The following KCNT2 variants were observed in gnomAD, a reference collection of about 807,000 sequenced individuals.
The protein encoded by KCNT2 is potassium sodium-activated channel subfamily T member 2, also known as potassium channel subfamily T member 2.
KCNT2 carries 67 observed loss-of-function variants against 153.8 expected under a neutral mutation model. The ratio of observed to expected loss-of-function variants is 0.44; its 90% CI spans 0.36 to 0.53. The LOEUF (loss-of-function observed/expected upper bound fraction) is 0.53. Among genes scored for constraint, KCNT2 ranks in the 20% least tolerant of loss-of-function variants. The pLI is 0.00. For synonymous variants in KCNT2, 500 were observed against 458.8 expected (o/e 1.09, Z -1.15); for missense variants, 975 against 1,354.8 (o/e 0.72, Z 4.40).
chr1:196,580,698 T>C (rs1661928748), intron 1 of KCNT2, among the ~76,000 whole-genome samples: 1 of 150,752 alleles, frequency 6.6e-6, no homozygotes, highest in African/African-American at 2.4e-5. Flanking sequence ...GAATGGGGAG[T>C]GAGATGTGTG....
intron 25 of KCNT2, among the ~76,000 whole-genome samples, chr1:196,275,572 A>G (rs939513910): frequency 6.6e-6 from 1 of 151,746 alleles, no homozygotes; most frequent in Non-Finnish European, 1.5e-5. Flanking sequence ...GTGCTTTCCC[A>G]CTCCCACAGC....
intron 1 of KCNT2, among the ~76,000 whole-genome samples, chr1:196,506,610 T>C (rs1408655096): frequency 6.6e-6 from 1 of 152,138 alleles, no homozygotes; most frequent in Non-Finnish European, 1.5e-5. Flanking sequence ...GTCAAGAACT[T>C]TTACCATTCT....
In KCNT2 at chr1:196,468,966, GT is replaced by G. The variant is rs562003078; in HGVS notation, c.459+27del. The G allele has an allele frequency of 4.0e-4, 556 of 1,383,930 alleles. 1 individual carries two copies. The African/African-American group carries it at 7.1e-3, about 18-fold the overall frequency. 85.7% of individuals were successfully genotyped at this position (1,383,930 alleles called of 1,614,324 possible). ...TTTACTTAAGTCTAATTACAAAAGT[GT>G]TTTTTTAAGGTTCTTTTAGGACTTA... On this transcript the variant is annotated intron_variant, in intron 6 of 27. Coordinates refer to ENST00000294725, the MANE Select transcript of KCNT2 (RefSeq NM_198503.5).
chr1:196,368,768 A>T (rs1668253068), intron 14 of KCNT2, among the ~76,000 whole-genome samples: 1 of 152,088 alleles, frequency 6.6e-6, no homozygotes, highest in Non-Finnish European at 1.5e-5. Context: ...ATTTCTCCCA[A>T]ATCCCTACTA....
At chr1:196,265,919 A>T (rs1657496652) in intron 25 of KCNT2, among the ~76,000 whole-genome samples, 1 of 152,168 alleles carries the variant, frequency 6.6e-6, no homozygotes, top group African/African-American at 2.4e-5. Context: ...AACCCTGATG[A>T]TACTTACTTG....
intron 1 of KCNT2, among the ~76,000 whole-genome samples, chr1:196,557,925 A>C (rs1395826282): frequency 6.6e-6 from 1 of 151,362 alleles, no homozygotes; most frequent in Non-Finnish European, 1.5e-5. Flanking sequence ...GCCTTTCAGA[A>C]ATACTAAGAA....
intron 20 of KCNT2, among the ~76,000 whole-genome samples, chr1:196,316,878 A>G (rs73065821): frequency 6.6e-6 from 1 of 151,914 alleles, no homozygotes; most frequent in African/African-American, 2.4e-5. Context: ...GAATTGGATA[A>G]TGGAGACTAA....
At chr1:196,583,942 T>C (rs1219372115) in intron 1 of KCNT2, among the ~76,000 whole-genome samples, 1 of 151,970 alleles carries the variant, frequency 6.6e-6, no homozygotes, top group Non-Finnish European at 1.5e-5. Context: ...AGTAAGGAAG[T>C]GTGAACACTG....
At chr1:196,550,639 A>G (rs1433202268) in intron 1 of KCNT2, among the ~76,000 whole-genome samples, 1 of 151,866 alleles carries the variant, frequency 6.6e-6, no homozygotes, top group African/African-American at 2.4e-5. Context: ...AAAAATAAGC[A>G]CAGGACCACT....
chr1:196,249,966 T>C (rs929160175), intron 26 of KCNT2, among the ~76,000 whole-genome samples: 2 of 152,032 alleles, frequency 1.3e-5, no homozygotes, highest in Non-Finnish European at 2.9e-5. Flanking sequence ...AAAATTTGAA[T>C]GATATTTCAT....
intron 1 of KCNT2, among the ~76,000 whole-genome samples, chr1:196,571,177 T>C (rs930476061): frequency 6.6e-6 from 1 of 152,154 alleles, no homozygotes; most frequent in Non-Finnish European, 1.5e-5. Context: ...TAAGAATAGA[T>C]ATTTTTGCAA....
intron 14 of KCNT2, among the ~76,000 whole-genome samples, chr1:196,352,504 T>C (rs183602349): frequency 0.11 from 16,220 of 152,236 alleles, 1,230 homozygotes; most frequent in African/African-American, 0.22. Context: ...GAGGTGTTTG[T>C]AGTATTCTCT....
intron 12 of KCNT2, among the ~76,000 whole-genome samples, chr1:196,413,935 G>T (rs950698598): frequency 6.6e-5 from 10 of 151,582 alleles, no homozygotes; most frequent in Non-Finnish European, 1.2e-4. Context: ...GTCAGTGTTT[G>T]CCTAGTTATT....
At chr1:196,404,279 G>A (rs149134269) in intron 12 of KCNT2, 2,358 of 163,534 alleles carry the variant, frequency 0.014, 28 homozygotes, top group Non-Finnish European at 0.021. Context: ...TCCCCAGTCA[G>A]CCTATCTCAA....
At chr1:196,597,901 T>C (rs147193272) in intron 1 of KCNT2, among the ~76,000 whole-genome samples, 77 of 135,500 alleles carry the variant, frequency 5.7e-4, no homozygotes, top group African/African-American at 1.8e-3. Flanking sequence ...CTTCACTTTA[T>C]GATATGTAAA....
chr1:196,411,897 A>G (rs1672371765), intron 12 of KCNT2, among the ~76,000 whole-genome samples: 1 of 151,798 alleles, frequency 6.6e-6, no homozygotes, highest in Admixed American at 6.6e-5. Flanking sequence ...CTCCTATGGA[A>G]AATTTTGTTA....
At chr1:196,381,131 T>C (rs1440949041) in intron 13 of KCNT2, among the ~76,000 whole-genome samples, 2 of 152,238 alleles carry the variant, frequency 1.3e-5, no homozygotes, top group Non-Finnish European at 1.5e-5. Context: ...AAAAAGCACG[T>C]TTCTGTTTTT....
chr1:196,427,536 T>C (rs1558277339), intron 10 of KCNT2, among the ~76,000 whole-genome samples: 1 of 152,068 alleles, frequency 6.6e-6, no homozygotes, highest in Non-Finnish European at 1.5e-5. Flanking sequence ...TTTATCTGCA[T>C]AGACAGAAAG....
At chr1:196,296,551 A>G (rs1426723734) in intron 22 of KCNT2, among the ~76,000 whole-genome samples, 1 of 152,078 alleles carries the variant, frequency 6.6e-6, no homozygotes, top group Non-Finnish European at 1.5e-5. Context: ...TAATTATTTG[A>G]ACATTTTCTG....
Sources: gnomAD v4.1 joint callset for allele counts (sites outside exome capture counted in the v4.1 genomes callset) on GRCh38, gnomAD v4.1.1 for gene constraint, MANE v1.5 for transcripts, NCBI Gene and HGNC (gene_info 2026-07-23, HGNC 2026-07-21) for gene names.